Variants in BNC2 observed in about 807,000 individuals in gnomAD.
The protein encoded by BNC2 is basonuclin zinc finger protein 2, also known as zinc finger protein basonuclin-2.
A neutral mutation model predicts 76.3 loss-of-function variants in BNC2; 20 were observed. That is an observed-to-expected ratio of 0.26 (90% CI 0.18 to 0.38). The LOEUF is 0.38. Among genes scored for constraint, BNC2 ranks in the 10% least tolerant of loss-of-function variants. BNC2 has a pLI of 1.00. For synonymous variants in BNC2, 582 were observed against 514.8 expected (o/e 1.13, Z -1.77); for missense variants, 1,382 against 1,399.8 (o/e 0.99, Z 0.20).
At chr9:16,800,331 G>T (rs955762648) in intron 1 of BNC2, among the ~76,000 whole-genome samples, 1 of 151,980 alleles carries the variant, frequency 6.6e-6, no homozygotes, top group African/African-American at 2.4e-5. Context: ...TAGAAGAAAC[G>T]AAATACTATC....
chr9:16,659,264 G>A (rs558184653), intron 3 of BNC2, among the ~76,000 whole-genome samples: 7 of 152,266 alleles, frequency 4.6e-5, no homozygotes, highest in South Asian at 4.1e-4. Flanking sequence ...GTTTCATCGT[G>A]CCCTTCTGCA....
In BNC2 at chr9:16,477,277, A is replaced by G. The variant is rs1209440972; in HGVS notation, c.670-39753T>C. ...CTGCCTTTAAAAAGAGAAAATTTTA[A>G]AACTATCATGCAGCTTCGGAATACT... On this transcript the variant is annotated intron_variant, in intron 5 of 6. Coordinates refer to ENST00000380672, the MANE Select transcript of BNC2 (RefSeq NM_017637.6). Among the ~76,000 whole-genome samples the G allele has an allele frequency of 4.6e-5, 7 of 152,282 alleles. No homozygotes were observed. The East Asian group carries it at 9.6e-4, about 21-fold the overall frequency.
At chr9:16,711,170 G>A (rs76974599) in intron 3 of BNC2, among the ~76,000 whole-genome samples, 12 of 152,122 alleles carry the variant, frequency 7.9e-5, no homozygotes, top group African/African-American at 2.4e-4. Context: ...AAAGAGAAAC[G>A]CAAGAGCAAA....
intron 3 of BNC2, among the ~76,000 whole-genome samples, chr9:16,711,618 C>T (rs1032806948): frequency 3.9e-5 from 6 of 152,162 alleles, no homozygotes; most frequent in African/African-American, 1.4e-4. Context: ...GAGCTTAATG[C>T]AAACTATTCT....
intron 3 of BNC2, among the ~76,000 whole-genome samples, chr9:16,629,809 C>A (rs1821108138): frequency 6.6e-6 from 1 of 152,162 alleles, no homozygotes; most frequent in Admixed American, 6.5e-5. Flanking sequence ...TCGTCTGAGC[C>A]TTCAGTGAGG....
chr9:16,592,510 T>A (rs1396088658), intron 3 of BNC2, among the ~76,000 whole-genome samples: 1 of 152,116 alleles, frequency 6.6e-6, no homozygotes, highest in Non-Finnish European at 1.5e-5. Flanking sequence ...AAAAGTAGAT[T>A]AGTGGCTGCC....
At chr9:16,478,006 G>A (rs965166759) in intron 5 of BNC2, among the ~76,000 whole-genome samples, 4 of 152,006 alleles carry the variant, frequency 2.6e-5, no homozygotes, top group African/African-American at 9.7e-5. Flanking sequence ...TCCATATCCT[G>A]CAAACAGATG....
chr9:16,589,760 G>T (rs997391763), intron 3 of BNC2, among the ~76,000 whole-genome samples: 1 of 151,906 alleles, frequency 6.6e-6, no homozygotes, highest in Non-Finnish European at 1.5e-5. Context: ...CACCCGCCTC[G>T]GCCTCTCAAA....
chr9:16,442,503 A>T (rs1821147780), intron 5 of BNC2, among the ~76,000 whole-genome samples: 2 of 152,176 alleles, frequency 1.3e-5, no homozygotes, highest in African/African-American at 4.8e-5. Context: ...CACTTCAATG[A>T]TTTATAGTTT....
intron 5 of BNC2, among the ~76,000 whole-genome samples, chr9:16,545,038 C>T (rs1818436961): frequency 6.6e-6 from 1 of 152,184 alleles, no homozygotes; most frequent in African/African-American, 2.4e-5. Context: ...CCAAGATTCA[C>T]AACCAAGTCT....
At chr9:16,512,496 A>ACG (rs552270760) in intron 5 of BNC2, among the ~76,000 whole-genome samples, 240 of 152,268 alleles carry the variant, frequency 1.6e-3, no homozygotes, top group African/African-American at 5.5e-3. Context: ...ACACACACAC[A>ACG]CACACACACA....
At chr9:16,752,913 C>T (rs74925301) in intron 1 of BNC2, among the ~76,000 whole-genome samples, 4,384 of 152,204 alleles carry the variant, frequency 0.029, 147 homozygotes, top group East Asian at 0.085. Context: ...ACTACATTCA[C>T]TCTCAGTTAT....
At chr9:16,454,252 C>A (rs1821401128) in intron 5 of BNC2, among the ~76,000 whole-genome samples, 1 of 152,052 alleles carries the variant, frequency 6.6e-6, no homozygotes, top group Non-Finnish European at 1.5e-5. Context: ...ATCTTTCTAC[C>A]CCTAGAGCAG....
chr9:16,804,747 G>A (rs956877987), intron 1 of BNC2, among the ~76,000 whole-genome samples: 34 of 152,092 alleles, frequency 2.2e-4, no homozygotes, highest in Non-Finnish European at 5.9e-5. Context: ...ACTGCTTGGG[G>A]GAGATCCTGG....
chr9:16,724,595 T>G (rs1824258258), intron 3 of BNC2, among the ~76,000 whole-genome samples: 1 of 152,094 alleles, frequency 6.6e-6, no homozygotes, highest in African/African-American at 2.4e-5. Flanking sequence ...TAGACTTCAC[T>G]TGAACTTTAG....
At position 16,831,632 on chromosome 9, in the gene BNC2, T is replaced by C. The variant is rs576107622; in HGVS notation, c.3+39014A>G. On this transcript the variant is annotated intron_variant, in intron 1 of 6. Transcript: ENST00000380672. ...CACAAGGTTAGAATGAAATTAAACC[T>C]GGAGTCAGCATAGGAAGTATTCAAG... Among the ~76,000 whole-genome samples the C allele has an allele frequency of 2.1e-4, 32 of 152,316 alleles. 1 individual carries two copies. The South Asian group carries it at 6.4e-3, about 31-fold the overall frequency.
At chr9:16,582,533 A>G (rs998710896) in intron 4 of BNC2, among the ~76,000 whole-genome samples, 2 of 152,150 alleles carry the variant, frequency 1.3e-5, no homozygotes, top group Admixed American at 6.5e-5. Context: ...GAGACCATAC[A>G]ACATTTAACA....
chr9:16,524,381 G>A (rs147925732), intron 5 of BNC2, among the ~76,000 whole-genome samples: 2 of 152,142 alleles, frequency 1.3e-5, no homozygotes, highest in South Asian at 4.1e-4. Context: ...GTGGTAAGGA[G>A]ACGCCAGAGT....
At chr9:16,500,017 G>C (rs1455371459) in intron 5 of BNC2, among the ~76,000 whole-genome samples, 1 of 151,920 alleles carries the variant, frequency 6.6e-6, no homozygotes, top group Non-Finnish European at 1.5e-5. Context: ...CCATTTCATA[G>C]CTGGGAATTC....
Sources: gnomAD v4.1 joint callset for allele counts (sites outside exome capture counted in the v4.1 genomes callset) on GRCh38, gnomAD v4.1.1 for gene constraint, MANE v1.5 for transcripts, NCBI Gene and HGNC (gene_info 2026-07-23, HGNC 2026-07-21) for gene names.